The following ATP2A3 variants were observed in gnomAD, a reference collection of about 807,000 sequenced individuals.
ATP2A3 encodes the protein ATPase sarcoplasmic/endoplasmic reticulum Ca2+ transporting 3, also known as sarcoplasmic/endoplasmic reticulum calcium ATPase 3.
Under a neutral mutation model 106.8 loss-of-function variants are expected in ATP2A3, and 61 were observed. That is an observed-to-expected ratio of 0.57 (90% CI 0.46 to 0.71). The LOEUF (loss-of-function observed/expected upper bound fraction) is 0.71, where lower values mean the gene tolerates loss of function less well. ATP2A3 is among the 30% of genes least tolerant of loss of function. The pLI is 0.00. For synonymous variants in ATP2A3, 611 were observed against 609.3 expected (o/e 1.00, Z -0.04); for missense variants, 1,201 against 1,423.5 (o/e 0.84, Z 2.52).
In ATP2A3 at chr17:3,941,594, G is replaced by T; in HGVS notation, c.1606C>A (p.Pro536Thr). ...SSVRVGSRTA[P>T]LTPTSREQIL... ...TGCTCCCTGGAGGTGGGGGTCAGGG[G>T]TGCTGTGCGGCTCCCCACGCGGACT... Residue 536 changes from proline (P) to threonine (T), a missense_variant, in exon 13 of 21, where the codon CCC (proline) becomes ACC (threonine). Pro to Thr is a conservative substitution (Grantham distance 38, BLOSUM62 -1). Around this residue, in one of 2 missense-constraint regions of ATP2A3, gnomAD observed 935 missense variants for 1,176.7 expected, o/e 0.79. Coordinates refer to ENST00000397041, the MANE Select transcript of ATP2A3 (RefSeq NM_005173.4). 1 of 1,612,754 alleles carries T rather than the reference G, an allele frequency of 6.2e-7. No individual in the cohort carries two copies. The highest frequency in any genetic ancestry group is 1.1e-5 in the South Asian group (1 of 91,088).
chr17:3,958,823 C>CACACACATATATATACACATAT (rs1555566874), intron 1 of ATP2A3, among the ~76,000 whole-genome samples: 2 of 95,508 alleles, frequency 2.1e-5, no homozygotes, highest in African/African-American at 5.7e-5. Flanking sequence ...TATATACACA[C>CACACACATATATATACACATAT]ATATATATAC....
chr17:3,948,231 A>G (rs1001182893), intron 7 of ATP2A3, among the ~76,000 whole-genome samples: 5 of 152,184 alleles, frequency 3.3e-5, no homozygotes, highest in Non-Finnish European at 7.3e-5. Flanking sequence ...CTGACTACGA[A>G]CCCAATAAAC....
Position 3,947,822 on chromosome 17 carries a change from C to T in ATP2A3, c.664G>A (p.Val222Met), listed in dbSNP as rs1472198542. The change falls in exon 8 of 21, where the codon GTG becomes ATG. Residue 222 changes from valine to methionine, a missense_variant. Val to Met is a conservative substitution (Grantham distance 21). Transcript: ENST00000397041. This position sits in a 1 kb window ranked among gnomAD's most constrained non-coding sequence, Gnocchi z 7.7. ...GTGTGCAGGCCGGTGGCCACGGCCA[C>T]ACCCACCGCTTTGCCCGATGTGATA... Reference protein sequence around the residue: ...TNITSGKAVGVAVATGLHTEL... With the variant: ...TNITSGKAVGMAVATGLHTEL... The T allele has an allele frequency of 2.5e-6, 4 of 1,599,160 alleles. No individual in the cohort carries two copies. In the East Asian group the frequency reaches 8.9e-5, roughly 36 times the overall value.
At chr17:3,957,982 A>G (rs1258490055) in intron 1 of ATP2A3, among the ~76,000 whole-genome samples, 1 of 152,160 alleles carries the variant, frequency 6.6e-6, no homozygotes, top group Non-Finnish European at 1.5e-5. Context: ...CCAGACTGAG[A>G]GGGCCTGTGT....
At chr17:3,954,696 T>G (rs982399737) in intron 1 of ATP2A3, among the ~76,000 whole-genome samples, 1 of 151,882 alleles carries the variant, frequency 6.6e-6, no homozygotes, top group Non-Finnish European at 1.5e-5. Flanking sequence ...GGGGTTTCAC[T>G]ATGTTGGCCA....
rs923994643 is a variant in ATP2A3, at chr17:3,927,836, G to A, written c.2980+827C>T. On this transcript the variant is annotated intron_variant, in intron 20 of 20. Transcript: ENST00000397041. The stretch of plus-strand genomic sequence containing the variant: ...TAGTCCCTCCACCCACTCCCCTGGG[G>A]CACATTCCTGCCAGAGGTGGCCCCC... The A allele has an allele frequency of 2.6e-6, 4 of 1,536,974 alleles. No individual in the cohort carries two copies. In the African/African-American group the frequency reaches 5.5e-5, roughly 21 times the overall value.
In ATP2A3 at chr17:3,947,930, C is replaced by T. The variant is rs900019037; in HGVS notation, c.631-75G>A. 7.3e-5 allele frequency: 103 copies of T among 1,404,748 alleles called. No homozygotes were observed. Among genetic ancestry groups the T allele is most frequent in the South Asian group, 5.8e-4 (49 of 85,010 alleles). The allele number at this position is 1,404,748 out of a possible 1,614,324, so 87.0% of individuals were successfully genotyped here. On this transcript the variant is annotated intron_variant, in intron 7 of 20. Coordinates refer to ENST00000397041, the MANE Select transcript of ATP2A3 (RefSeq NM_005173.4). The surrounding 1 kb of genome is among the most constrained non-coding windows in gnomAD (Gnocchi z 7.7). The stretch of plus-strand genomic sequence containing the variant: ...CCCAGGACCCCTGACTCCTTCAGGC[C>T]GGAATAAGGCACTTATCCTTCTACC...
At chr17:3,952,347 G>A (rs2054497965) in intron 3 of ATP2A3, among the ~76,000 whole-genome samples, 1 of 152,168 alleles carries the variant, frequency 6.6e-6, no homozygotes, top group African/African-American at 2.4e-5. Context: ...TAGGATTACA[G>A]GCATGCGCCA....
rs62071734 is a variant in ATP2A3 at position 3,944,267 on chromosome 17, G to T, written c.1287+437C>A. On this transcript the variant is annotated intron_variant, in intron 10 of 20. Coordinates refer to ENST00000397041, the MANE Select transcript of ATP2A3 (RefSeq NM_005173.4). ...GTTGGTGCTCTACTGCCCTCAGCTT[G>T]GCCTCGGACTGGGTCTGGCCAAGGA... Among the ~76,000 whole-genome samples the T allele has an allele frequency of 7.2e-3, 1,100 of 152,298 alleles. 4 individuals are homozygous for T. The highest frequency in any genetic ancestry group is 0.013 in the Non-Finnish European group (865 of 68,030).
chr17:3,931,919 C>G (rs552244267), intron 17 of ATP2A3, among the ~76,000 whole-genome samples: 8 of 152,290 alleles, frequency 5.3e-5, no homozygotes, highest in Admixed American at 2.6e-4. Context: ...TACTGTCTGT[C>G]GCATAAATAC....
In ATP2A3 at chr17:3,924,884, C is replaced by G; in HGVS notation, c.*538G>C. 1 of 456,836 alleles carries G rather than the reference C, an allele frequency of 2.2e-6. No homozygotes were observed. Among genetic ancestry groups the G allele is most frequent in the Non-Finnish European group, 4.4e-6 (1 of 227,130 alleles). 28.3% of individuals were successfully genotyped at this position (456,836 alleles called of 1,614,324 possible). ...AGTGGAGTGGAGGGGGCTGCCCACC[C>G]TCGCTGTACACAGCTGGGCCCAGAT... On this transcript the variant is annotated 3_prime_UTR_variant, in exon 21 of 21. Transcript: ENST00000397041. This position sits in a 1 kb window ranked among gnomAD's most constrained non-coding sequence, Gnocchi z 6.4.
At position 3,928,865 on chromosome 17, in the gene ATP2A3, G is replaced by T; in HGVS notation, c.2863-85C>A. On this transcript the variant is annotated intron_variant, in intron 19 of 20. Coordinates refer to ENST00000397041, the MANE Select transcript of ATP2A3 (RefSeq NM_005173.4). This position sits in a 1 kb window ranked among gnomAD's most constrained non-coding sequence, Gnocchi z 6.1. ...CCATCTGCTGGCCTTATCCACCTGGGCTCTGATGGACTCTTCATGAGCGCT... is the reference window on the plus strand; with the variant it reads ...CCATCTGCTGGCCTTATCCACCTGGTCTCTGATGGACTCTTCATGAGCGCT... 1 of 1,078,242 alleles carries T rather than the reference G, an allele frequency of 9.3e-7. No homozygotes were observed. The highest frequency in any genetic ancestry group is 1.4e-6 in the Non-Finnish European group (1 of 728,896). 66.8% of individuals were successfully genotyped at this position (1,078,242 alleles called of 1,614,324 possible). A position where few individuals can be genotyped will look rare whatever the true frequency, so the allele number is the denominator to read the frequency against.
Position 3,927,947 on chromosome 17 carries a change from G to A in ATP2A3, c.2980+716C>T, listed in dbSNP as rs750032309. ...ACAGCAGTCCAGCCATACGGCCACC[G>A]CCTCTGCGCAAATTCCCAGGAACCG... is the stretch of plus-strand genomic sequence containing the variant. On this transcript the variant is annotated intron_variant, in intron 20 of 20. Transcript: ENST00000397041. 9 of 1,612,664 alleles carry A rather than the reference G, an allele frequency of 5.6e-6. No individual in the cohort carries two copies. In the South Asian group the frequency reaches 7.7e-5, roughly 14 times the overall value.
In ATP2A3 at chr17:3,933,280, C is replaced by CAAAT. The variant is rs34928638; in HGVS notation, c.2610+1908_2610+1911dup. 2.2e-4 allele frequency among the ~76,000 whole-genome samples: 33 copies of CAAAT among 150,544 alleles called. 1 individual carries two copies. The highest frequency in any genetic ancestry group is 5.0e-4 in the African/African-American group (20 of 40,302). On this transcript the variant is annotated intron_variant, in intron 17 of 20. Transcript: ENST00000397041. ...TGGGTGACAGAGCGAGACTCTGTCTCAAATAAATAAATAAATAAATATGTT... is the reference window on the plus strand; with the variant it reads ...TGGGTGACAGAGCGAGACTCTGTCTCAAATAAATAAATAAATAAATAAATATGTT...
chr17:3,949,819 T>C (rs1331462207), intron 7 of ATP2A3, among the ~76,000 whole-genome samples: 1 of 152,192 alleles, frequency 6.6e-6, no homozygotes, highest in East Asian at 1.9e-4. Flanking sequence ...AATTTGCATG[T>C]ATTGTCAAGA....
At chr17:3,933,177 A>G (rs912749204) in intron 17 of ATP2A3, among the ~76,000 whole-genome samples, 3 of 151,688 alleles carry the variant, frequency 2.0e-5, no homozygotes, top group African/African-American at 7.3e-5. Flanking sequence ...GCTACTCGGG[A>G]GGCTGAGGCA....
intron 3 of ATP2A3, among the ~76,000 whole-genome samples, chr17:3,952,287 G>A (rs1039435661): frequency 5.3e-5 from 8 of 152,134 alleles, no homozygotes; most frequent in Non-Finnish European, 8.8e-5. Flanking sequence ...GTTTTACCAC[G>A]TTGCCCAGGC....
chr17:3,941,832 C>CCCT (rs2053799339), intron 12 of ATP2A3, among the ~76,000 whole-genome samples, 178 bp from the exon 13 acceptor site: 1 of 152,190 alleles, frequency 6.6e-6, no homozygotes, highest in Non-Finnish European at 1.5e-5. Context: ...AAGTGGGTCC[C>CCCT]CCTGTGAGAC....
intron 8 of ATP2A3, chr17:3,945,376 C>G (rs2054056864): frequency 2.2e-6 from 1 of 461,512 alleles, no homozygotes; most frequent in Non-Finnish European, 3.9e-6. Flanking sequence ...ATGTCCTGGA[C>G]TTCTGAGGGA....
Sources: gnomAD v4.1 joint callset for allele counts (sites outside exome capture counted in the v4.1 genomes callset) on GRCh38, gnomAD v4.1.1 for gene constraint, gnomAD v4.1.1 regional missense constraint, Gnocchi (gnomAD v3.1) non-coding constraint, MANE v1.5 for transcripts, NCBI Gene and HGNC (gene_info 2026-07-23, HGNC 2026-07-21) for gene names.